ABL1: variants seen among roughly 807,000 people sequenced by gnomAD.
The protein encoded by ABL1 is ABL proto-oncogene 1, non-receptor tyrosine kinase.
In ABL1, 11 loss-of-function variants were observed where a neutral mutation model predicts 94.7. The ratio of observed to expected loss-of-function variants is 0.12; its 90% CI spans 0.07 to 0.19. ABL1 has a LOEUF of 0.19. ABL1 is among the 10% of genes least tolerant of loss of function. The pLI is 1.00. For synonymous variants in ABL1, 656 were observed against 622.4 expected, an observed-to-expected ratio of 1.05 and a Z score of -0.80; for missense variants, 1,082 against 1,489.4, an observed-to-expected ratio of 0.73 and a Z score of 4.50.
rs906172473 is a variant in ABL1, at chr9:130,875,418, C to T, written c.1270+366C>T. ...TTGGCCTCCCAAAGTGCTGGGATTA[C>T]AGGTGTGAGCCACTGTGCACAGCCA... On this transcript the variant is annotated intron_variant, in intron 7 of 10. Transcript: ENST00000318560. 1.3e-4 allele frequency among the ~76,000 whole-genome samples: 19 copies of T among 151,180 alleles called. 1 individual carries two copies. The highest frequency in any genetic ancestry group is 4.4e-4 in the African/African-American group (18 of 41,068).
At chr9:130,843,187 G>A (rs1339609284) in intron 1 of ABL1, among the ~76,000 whole-genome samples, 1 of 152,224 alleles carries the variant, frequency 6.6e-6, no homozygotes, top group Non-Finnish European at 1.5e-5. Flanking sequence ...CAGCAGTGCT[G>A]TGTTGTTGCG....
intron 1 of ABL1, among the ~76,000 whole-genome samples, chr9:130,763,120 C>T (rs1832137493): frequency 1.3e-5 from 2 of 151,902 alleles, no homozygotes; most frequent in African/African-American, 4.8e-5. Flanking sequence ...TTGTTTCAGC[C>T]TCAGGGCCTT....
chr9:130,836,147 C>A (rs1830579583), intron 1 of ABL1, among the ~76,000 whole-genome samples: 1 of 152,184 alleles, frequency 6.6e-6, no homozygotes, highest in Non-Finnish European at 1.5e-5. Flanking sequence ...CTTAGGAATT[C>A]GCTCTCTTTT....
intron 1 of ABL1, among the ~76,000 whole-genome samples, chr9:130,745,772 T>G (rs1289827726): frequency 6.6e-6 from 1 of 152,098 alleles, no homozygotes; most frequent in African/African-American, 2.4e-5. Context: ...GTCTGATTAT[T>G]AAAGTCCTGC....
chr9:130,737,853 CAG>C (rs1436357575), intron 1 of ABL1, among the ~76,000 whole-genome samples: 2 of 136,474 alleles, frequency 1.5e-5, no homozygotes, highest in Non-Finnish European at 3.2e-5. Context: ...TTTTTTGAGA[CAG>C]AGTCTCACTC....
intron 1 of ABL1, among the ~76,000 whole-genome samples, chr9:130,812,065 A>T (rs1830216747): frequency 6.6e-6 from 1 of 151,744 alleles, no homozygotes; most frequent in African/African-American, 2.4e-5. Context: ...TCATATCAAT[A>T]ATTAATTCAC....
chr9:130,874,855 T>C lies in ABL1; in HGVS notation c.1086-13T>C. 1 of 1,613,928 alleles carries C rather than the reference T, an allele frequency of 6.2e-7. No individual in the cohort carries two copies. The highest frequency in any genetic ancestry group is 8.5e-7 in the Non-Finnish European group (1 of 1,179,854). On this transcript the variant is annotated splice_polypyrimidine_tract_variant and intron_variant, in intron 6 of 10. Transcript: ENST00000318560. ...GCCAGGAGCTCTCATGGGTGAACAT[T>C]TTCCTTTCTTAGAGATCTTGCTGCC... is the stretch of plus-strand genomic sequence containing the variant.
chr9:130,816,456 G>A (rs1830287699), intron 1 of ABL1, among the ~76,000 whole-genome samples: 1 of 151,460 alleles, frequency 6.6e-6, no homozygotes. Context: ...TTACAGGTGT[G>A]AGCTACCACA....
intron 1 of ABL1, among the ~76,000 whole-genome samples, chr9:130,793,647 G>A (rs1271952665): frequency 6.6e-6 from 1 of 152,118 alleles, no homozygotes; most frequent in Non-Finnish European, 1.5e-5. Context: ...AAGTTATTGA[G>A]TGCAGTTTCA....
chr9:130,763,543 A>T (rs1478281359), intron 1 of ABL1, among the ~76,000 whole-genome samples: 1 of 152,102 alleles, frequency 6.6e-6, no homozygotes, highest in Non-Finnish European at 1.5e-5. Context: ...TTCAGCTGGG[A>T]CTTCAGAGTC....
chr9:130,730,001 C>T (rs375508423), intron 1 of ABL1, among the ~76,000 whole-genome samples: 1 of 149,302 alleles, frequency 6.7e-6, no homozygotes, highest in Non-Finnish European at 1.5e-5. Flanking sequence ...CCTTGGCCCC[C>T]CAAAGTGCTG....
At chr9:130,768,065 G>T (rs1265393871) in intron 1 of ABL1, among the ~76,000 whole-genome samples, 1 of 152,024 alleles carries the variant, frequency 6.6e-6, no homozygotes, top group East Asian at 1.9e-4. Flanking sequence ...TTTTCACATG[G>T]TAGCTATCTG....
rs973527662 is a variant in ABL1, at chr9:130,781,794, C to T, written c.136+67339C>T. Among the ~76,000 whole-genome samples, 4 of 150,060 alleles carry T rather than the reference C, an allele frequency of 2.7e-5. No individual in the cohort carries two copies. The East Asian group carries it at 7.8e-4, about 29-fold the overall frequency. ...CCATCTAAATCTGTATTTTTTTTTT[C>T]CCCATTTAGTTTCCTAAACAGTGAG... On this transcript the variant is annotated intron_variant, in intron 1 of 10. Coordinates refer to the ABL1 transcript ENST00000372348.
chr9:130,836,455 C>G (rs1446492361), intron 1 of ABL1, among the ~76,000 whole-genome samples: 1 of 152,200 alleles, frequency 6.6e-6, no homozygotes, highest in Non-Finnish European at 1.5e-5. Flanking sequence ...CCATTGCCTT[C>G]AGCAGAAAGG....
chr9:130,778,727 G>T (rs1460475330), intron 1 of ABL1, among the ~76,000 whole-genome samples: 1 of 151,360 alleles, frequency 6.6e-6, no homozygotes, highest in African/African-American at 2.4e-5. Flanking sequence ...CATTGTCGTG[G>T]TTTATACCTT....
intron 1 of ABL1, among the ~76,000 whole-genome samples, chr9:130,846,974 T>G (rs553008440): frequency 6.6e-6 from 1 of 152,370 alleles, no homozygotes; most frequent in East Asian, 1.9e-4. Flanking sequence ...CAGTGAATTC[T>G]GTGGCCTGGT....
intron 1 of ABL1, among the ~76,000 whole-genome samples, chr9:130,765,200 T>G (rs1329423466): frequency 2.0e-5 from 3 of 152,186 alleles, no homozygotes; most frequent in Non-Finnish European, 2.9e-5. Flanking sequence ...GTTTTTGGGT[T>G]TGCTATTTTT....
At position 130,716,072 on chromosome 9, in the gene ABL1, C is replaced by CTTTTTT. The variant is rs71389339; in HGVS notation, c.136+1644_136+1649dup. On this transcript the variant is annotated intron_variant, in intron 1 of 10. Coordinates refer to the ABL1 transcript ENST00000372348. ...TATCCACTTTTCACTGAAAAATGTC[C>CTTTTTT]TTTTTTTTTTTTTTTTTTTTTTTTT... Among the ~76,000 whole-genome samples the CTTTTTT allele has an allele frequency of 4.3e-4, 39 of 91,216 alleles. 1 individual carries two copies. The highest frequency in any genetic ancestry group is 7.0e-4 in the Non-Finnish European group (30 of 42,680). 59.8% of individuals were successfully genotyped at this position (91,216 alleles called of 152,430 possible). A position where few individuals can be genotyped will look rare whatever the true frequency, so the allele number is the denominator to read the frequency against.
intron 1 of ABL1, among the ~76,000 whole-genome samples, chr9:130,762,636 G>A (rs1248056669): frequency 1.3e-5 from 2 of 152,106 alleles, no homozygotes; most frequent in Admixed American, 1.3e-4. Context: ...ATCTGGCTGG[G>A]CGTGGTGGCT....
Sources: gnomAD v4.1 joint callset for allele counts (sites outside exome capture counted in the v4.1 genomes callset) on GRCh38, gnomAD v4.1.1 for gene constraint, MANE v1.5 for transcripts, NCBI Gene and HGNC (gene_info 2026-07-23, HGNC 2026-07-21) for gene names.